The following UTP6 variants were observed in gnomAD, a reference collection of about 807,000 sequenced individuals.
The protein encoded by UTP6 is U3 small nucleolar RNA-associated protein 6 homolog.
Under a neutral mutation model 96.5 loss-of-function variants are expected in UTP6, and 60 were observed. The ratio of observed to expected loss-of-function variants is 0.62; its 90% confidence interval spans 0.51 to 0.77. The LOEUF (loss-of-function observed/expected upper bound fraction) is 0.77, where lower values mean the gene tolerates loss of function less well. Among genes scored for constraint, UTP6 ranks in the 30% least tolerant of loss-of-function variants. The probability of loss-of-function intolerance (pLI) is 0.00; values close to 1 mark genes in which losing one functional copy is unlikely to be tolerated. For synonymous variants in UTP6, 215 were observed against 240.1 expected, an observed-to-expected ratio of 0.90 and a Z score of 0.96; for missense variants, 637 against 706.5, an observed-to-expected ratio of 0.90 and a Z score of 1.12.
chr17:31,867,946 ACT>A (rs1330056717), intron 17 of UTP6, 98 bp downstream of exon 17: 10 of 1,160,460 alleles, frequency 8.6e-6, no homozygotes, highest in Non-Finnish European at 1.1e-5. Flanking sequence ...ACAGAGCGAG[ACT>A]CTGCCTCAAA....
At position 31,873,713 on chromosome 17, in the gene UTP6, T is replaced by G. The variant is rs1910326906; in HGVS notation, c.1346A>C (p.Glu449Ala). The change falls in exon 15 of 19, where the codon GAA becomes GCA. Residue 449 changes from glutamate (E) to alanine (A), a missense_variant. Physicochemically the swap from Glu to Ala is moderately radical, Grantham distance 107. Coordinates refer to ENST00000261708, the MANE Select transcript of UTP6 (RefSeq NM_018428.3). Reference protein sequence around the residue: ...PLWISWAEWSEGAKSQEDTEA... With the variant: ...PLWISWAEWSAGAKSQEDTEA... ...AGTGTCTTCTTGGCTTTTGGCACCTTCACTCCACTCTGCCCAGGAAATCCA... is the reference window on the plus strand; with the variant it reads ...AGTGTCTTCTTGGCTTTTGGCACCTGCACTCCACTCTGCCCAGGAAATCCA... 1 of 1,612,156 alleles carries G rather than the reference T, an allele frequency of 6.2e-7. No homozygotes were observed. Among genetic ancestry groups the G allele is most frequent in the Non-Finnish European group, 8.5e-7 (1 of 1,179,656 alleles).
Position 31,880,567 on chromosome 17 carries a change from G to C in UTP6, c.967+6C>G, listed in dbSNP as rs778928842. 2.5e-6 allele frequency: 4 copies of C among 1,614,094 alleles called. No homozygotes were observed. The highest frequency in any genetic ancestry group is 3.3e-5 in the Admixed American group (2 of 59,996). On this transcript the variant is annotated splice_donor_region_variant and intron_variant, in intron 11 of 18. Transcript: ENST00000261708. ...CTATATCACACCATGGTTTGGTGAAGTTCACCTGTTGGCAGAGTCTTCACT... is the reference window on the plus strand; with the variant it reads ...CTATATCACACCATGGTTTGGTGAACTTCACCTGTTGGCAGAGTCTTCACT...
intron 7 of UTP6, 129 bp from the exon 8 acceptor site, chr17:31,887,442 C>G (rs763108034): frequency 4.4e-6 from 3 of 678,820 alleles, no homozygotes; most frequent in Non-Finnish European, 7.7e-6. Flanking sequence ...TGAATTCCTG[C>G]ACTCAAGTGA....
chr17:31,871,569 G>A (rs564833698), intron 16 of UTP6, among the ~76,000 whole-genome samples: 10 of 152,162 alleles, frequency 6.6e-5, no homozygotes, highest in South Asian at 2.1e-4. Flanking sequence ...GCAACAAGGC[G>A]AGACCCTGAC....
chr17:31,869,098 G>A (rs1468947184), intron 16 of UTP6, among the ~76,000 whole-genome samples: 2 of 152,122 alleles, frequency 1.3e-5, no homozygotes, highest in Non-Finnish European at 2.9e-5. Flanking sequence ...GTGACAGAGT[G>A]AGACTCCATC....
rs1161479726 is a variant in UTP6, at chr17:31,863,112, GAGA to G, written c.*244_*246del. 3.6e-5 allele frequency: 17 copies of G among 468,112 alleles called. No individual in the cohort carries two copies. In the Admixed American group the frequency reaches 6.3e-4, roughly 17 times the overall value. 29.0% of individuals were successfully genotyped at this position (468,112 alleles called of 1,614,324 possible). A position where few individuals can be genotyped will look rare whatever the true frequency, so the allele number is the denominator to read the frequency against. ...TCCCAGCTACTCAGGAGTCTGAGGTGAGAAGGTCACTTGAGTCCAGGAGTTCAA... is the reference window on the plus strand; with the variant it reads ...TCCCAGCTACTCAGGAGTCTGAGGTGAGGTCACTTGAGTCCAGGAGTTCAA... On this transcript the variant is annotated 3_prime_UTR_variant, in exon 19 of 19. Transcript: ENST00000261708.
intron 13 of UTP6, among the ~76,000 whole-genome samples, chr17:31,876,744 G>C (rs112873326): frequency 6.6e-6 from 1 of 152,046 alleles, no homozygotes; most frequent in African/African-American, 2.4e-5. Flanking sequence ...GCGCTCAGTG[G>C]CTCACGCCTG....
Position 31,901,690 on chromosome 17 carries a change from C to G in UTP6, c.-63G>C, listed in dbSNP as rs142824675. 8.1e-4 allele frequency: 1,253 copies of G among 1,543,302 alleles called. 20 individuals carry two copies. In the East Asian group the frequency reaches 0.02, roughly 24 times the overall value. On this transcript the variant is annotated 5_prime_UTR_variant, in exon 1 of 19. Coordinates refer to ENST00000261708, the MANE Select transcript of UTP6 (RefSeq NM_018428.3). ...ACAGCGAACACGAGCAGGAAGCTCC[C>G]GGTTTCAGGTTCGGAGACCCAGCCC...
chr17:31,883,229 G>T (rs1296364257), intron 10 of UTP6, among the ~76,000 whole-genome samples: 1 of 150,476 alleles, frequency 6.6e-6, no homozygotes, highest in East Asian at 1.9e-4. Context: ...AAAATTACCA[G>T]CACTCAACTA....
At chr17:31,864,895 C>A (rs965171124) in intron 18 of UTP6, among the ~76,000 whole-genome samples, 28 of 151,938 alleles carry the variant, frequency 1.8e-4, no homozygotes, top group Non-Finnish European at 2.9e-5. Context: ...CCATGGACCC[C>A]TGAACTTATG....
chr17:31,893,244 G>A (rs1489994193), intron 4 of UTP6, among the ~76,000 whole-genome samples: 1 of 151,664 alleles, frequency 6.6e-6, no homozygotes, highest in Non-Finnish European at 1.5e-5. Flanking sequence ...GCAACATAGG[G>A]AAGCTCCAAC....
chr17:31,892,033 G>C, intron 6 of UTP6: 1 of 512,898 alleles, frequency 1.9e-6, no homozygotes, highest in South Asian at 2.5e-5. Context: ...AAAAAAAAAA[G>C]AAATACAGTC....
chr17:31,870,678 C>T (rs1471582261), intron 16 of UTP6, among the ~76,000 whole-genome samples: 1 of 151,828 alleles, frequency 6.6e-6, no homozygotes, highest in South Asian at 2.1e-4. Flanking sequence ...CCCGCCACCA[C>T]ATCTGACTAA....
intron 1 of UTP6, 27 bp from the exon 2 acceptor site, chr17:31,899,757 C>A: frequency 6.7e-7 from 1 of 1,487,782 alleles, no homozygotes; most frequent in Non-Finnish European, 9.1e-7. Flanking sequence ...TTAAACTTCA[C>A]TTGAAAACTG....
intron 10 of UTP6, among the ~76,000 whole-genome samples, chr17:31,882,564 G>A (rs555514154): frequency 8.5e-5 from 13 of 152,094 alleles, no homozygotes; most frequent in African/African-American, 2.7e-4. Context: ...CAAGTGATCC[G>A]CCCACCTCGG....
chr17:31,900,243 A>C lies in UTP6; in HGVS notation c.93-513T>G, dbSNP rs1165291154. On this transcript the variant is annotated intron_variant, in intron 1 of 18. Coordinates refer to ENST00000261708, the MANE Select transcript of UTP6 (RefSeq NM_018428.3). ...TCTTAATCAACTCCCAAAACCAATG[A>C]CATTCCCACCAGCAAAGCAAATACA... Among the ~76,000 whole-genome samples, 5 of 152,310 alleles carry C rather than the reference A, an allele frequency of 3.3e-5. No individual in the cohort carries two copies. In the South Asian group the frequency reaches 1.0e-3, roughly 32 times the overall value.
intron 7 of UTP6, 45 bp from the exon 8 acceptor site, chr17:31,887,358 A>G (rs187911547): frequency 3.8e-6 from 6 of 1,579,662 alleles, no homozygotes; most frequent in Non-Finnish European, 5.2e-6. Flanking sequence ...ATGCTTTTTA[A>G]AATTTTTTTG....
rs544279802 is a variant in UTP6 at position 31,900,011 on chromosome 17, G to A, written c.93-281C>T. Among the ~76,000 whole-genome samples the A allele has an allele frequency of 2.0e-5, 3 of 151,996 alleles. No homozygotes were observed. The East Asian group carries it at 5.9e-4, about 30-fold the overall frequency. On this transcript the variant is annotated intron_variant, in intron 1 of 18. Coordinates refer to ENST00000261708, the MANE Select transcript of UTP6 (RefSeq NM_018428.3). ...ATACAAAAATTAGCTGGGCGTGGTG[G>A]TGCGTGCCTGTAGTCCCAGCTACTC... is the stretch of plus-strand genomic sequence containing the variant.
intron 4 of UTP6, among the ~76,000 whole-genome samples, chr17:31,893,734 CAAAAA>C (rs3084042): frequency 4.7e-5 from 4 of 84,452 alleles, no homozygotes; most frequent in Admixed American, 1.3e-4. Context: ...CATCCCCCAC[CAAAAA>C]AAAAAAAAAA....
Sources: allele counts gnomAD v4.1 joint callset (sites outside exome capture counted in the v4.1 genomes callset), GRCh38; gene constraint gnomAD v4.1.1; transcripts MANE v1.5; gene names NCBI Gene and HGNC (gene_info 2026-07-23, HGNC 2026-07-21).